Variants in VDAC1 observed in about 807,000 individuals in gnomAD.
The protein encoded by VDAC1 is non-selective voltage-gated ion channel VDAC1.
Under a neutral mutation model 34.7 loss-of-function variants are expected in VDAC1, and 10 were observed. The ratio of observed to expected loss-of-function variants is 0.29; its 90% CI spans 0.18 to 0.49. The LOEUF is 0.49. VDAC1 is among the 20% of genes least tolerant of loss of function. The pLI, the probability that VDAC1 is intolerant of heterozygous loss-of-function variation, is 0.99. For missense variants in VDAC1, 230 were observed against 347.9 expected (o/e 0.66, Z 2.69); for synonymous variants, 130 against 136.0 (o/e 0.96, Z 0.30).
chr5:134,098,424 C>T, the VDAC1 span, among the ~76,000 whole-genome samples: 1 of 152,038 alleles, frequency 6.6e-6, no homozygotes, highest in African/African-American at 2.4e-5. Context: ...AAGGTTTCAC[C>T]ATATTGGCCA....
the VDAC1 span, among the ~76,000 whole-genome samples, chr5:134,010,160 G>A: frequency 6.6e-6 from 1 of 152,096 alleles, no homozygotes; most frequent in Non-Finnish European, 1.5e-5. Flanking sequence ...CTTGATGCTG[G>A]GAACCCACGC....
chr5:134,080,934 T>C, the VDAC1 span, among the ~76,000 whole-genome samples: 3 of 152,098 alleles, frequency 2.0e-5, no homozygotes, highest in Non-Finnish European at 4.4e-5. Context: ...TAGAGGGCAA[T>C]GGCGCAATCT....
At chr5:134,112,400 C>T in the VDAC1 span, among the ~76,000 whole-genome samples, 5 of 152,210 alleles carry the variant, frequency 3.3e-5, no homozygotes, top group African/African-American at 1.2e-4. Flanking sequence ...TAGATGATCC[C>T]TTAGCAAGCC....
At chr5:134,078,024 G>A in the VDAC1 span, among the ~76,000 whole-genome samples, 1 of 152,226 alleles carries the variant, frequency 6.6e-6, no homozygotes, top group South Asian at 2.1e-4. Context: ...GAGAGGTGGA[G>A]TCTGTCACAT....
the VDAC1 span, among the ~76,000 whole-genome samples, chr5:134,037,284 G>A: frequency 2.0e-5 from 3 of 152,286 alleles, no homozygotes; most frequent in East Asian, 1.9e-4. Context: ...TCAGATAAGA[G>A]GGAACTGAGG....
intron 6 of VDAC1, among the ~76,000 whole-genome samples, chr5:133,980,480 T>A (rs746983256): frequency 1.3e-5 from 2 of 152,110 alleles, no homozygotes; most frequent in Non-Finnish European, 2.9e-5. Context: ...TCAGCCACTT[T>A]GTGTACCTGT....
chr5:134,035,206 G>A, the VDAC1 span, among the ~76,000 whole-genome samples: 1 of 152,128 alleles, frequency 6.6e-6, no homozygotes, highest in Admixed American at 6.5e-5. Context: ...AATTAAGGAT[G>A]TGCTAAACAA....
intron 5 of VDAC1, among the ~76,000 whole-genome samples, chr5:133,986,900 C>T (rs1040886006): frequency 5.9e-5 from 9 of 152,070 alleles, no homozygotes; most frequent in Non-Finnish European, 7.4e-5. Flanking sequence ...ACAACTTGAG[C>T]GACAAAATAA....
At chr5:134,020,224 G>A in the VDAC1 span, among the ~76,000 whole-genome samples, 6 of 151,870 alleles carry the variant, frequency 4.0e-5, no homozygotes, top group Non-Finnish European at 7.4e-5. Context: ...AGCCAGCATA[G>A]TCAGAGGCAG....
the VDAC1 span, among the ~76,000 whole-genome samples, chr5:134,100,725 G>A: frequency 2.0e-5 from 3 of 152,242 alleles, no homozygotes; most frequent in Non-Finnish European, 4.4e-5. Context: ...CCTTTAAAAA[G>A]CCCTGGCCAT....
the VDAC1 span, among the ~76,000 whole-genome samples, chr5:134,104,547 C>T: frequency 5.9e-5 from 9 of 152,190 alleles, no homozygotes; most frequent in African/African-American, 1.9e-4. Flanking sequence ...CCCCTCAGGC[C>T]TGCTGGGGGT....
At chr5:134,034,046 C>G in the VDAC1 span, among the ~76,000 whole-genome samples, 1 of 151,688 alleles carries the variant, frequency 6.6e-6, no homozygotes, top group Non-Finnish European at 1.5e-5. Context: ...GAACCAGCCA[C>G]GTGAAAAAGG....
At chr5:134,096,194 G>C in the VDAC1 span, among the ~76,000 whole-genome samples, 2 of 152,218 alleles carry the variant, frequency 1.3e-5, no homozygotes, top group African/African-American at 2.4e-5. Flanking sequence ...TCCCTCCTAG[G>C]GGCTTCCTCC....
chr5:134,008,810 A>G (rs551990171), upstream of VDAC1, among the ~76,000 whole-genome samples: 1 of 152,330 alleles, frequency 6.6e-6, no homozygotes, highest in East Asian at 1.9e-4. Flanking sequence ...ACCAGCATCA[A>G]TTAATTGGAT....
chr5:134,107,764 C>A, the VDAC1 span, among the ~76,000 whole-genome samples: 18 of 152,240 alleles, frequency 1.2e-4, no homozygotes, highest in Non-Finnish European at 1.0e-4. Context: ...ATCTACTCTG[C>A]CCTAGACATT....
At chr5:134,041,885 C>T in the VDAC1 span, among the ~76,000 whole-genome samples, 1 of 152,196 alleles carries the variant, frequency 6.6e-6, no homozygotes, top group African/African-American at 2.4e-5. Flanking sequence ...CCCTGGCTGG[C>T]CTGGCCACCC....
chr5:134,020,340 CG>C, the VDAC1 span, among the ~76,000 whole-genome samples: 1 of 151,960 alleles, frequency 6.6e-6, no homozygotes, highest in Non-Finnish European at 1.5e-5. Flanking sequence ...ACGACTCCCC[CG>C]CTCACCCCTC....
At chr5:134,023,499 C>T in the VDAC1 span, among the ~76,000 whole-genome samples, 9 of 127,834 alleles carry the variant, frequency 7.0e-5, no homozygotes, top group African/African-American at 2.5e-4. Context: ...AAAAAAAAGA[C>T]AACCCTCTTC....
chr5:134,007,292 A>G (rs1753773162), upstream of VDAC1, among the ~76,000 whole-genome samples: 1 of 151,852 alleles, frequency 6.6e-6, no homozygotes, highest in African/African-American at 2.4e-5. Flanking sequence ...TAACTGGGCC[A>G]GGCTCAGAGG....
Sources: gnomAD v4.1 joint callset for allele counts (sites outside exome capture counted in the v4.1 genomes callset) on GRCh38, gnomAD v4.1.1 for gene constraint, MANE v1.5 for transcripts, NCBI Gene and HGNC (gene_info 2026-07-23, HGNC 2026-07-21) for gene names.